The following CDKL2 variants were observed in gnomAD, a reference collection of about 807,000 sequenced individuals.
CDKL2 encodes cyclin dependent kinase like 2, also known as cyclin-dependent kinase-like 2.
CDKL2 carries 64 observed loss-of-function variants against 63.9 expected under a neutral mutation model. The ratio of observed to expected loss-of-function variants is 1.00; its 90% CI spans 0.82 to 1.23. The LOEUF (loss-of-function observed/expected upper bound fraction) is 1.23, where lower values mean the gene tolerates loss of function less well. Among genes scored for constraint, CDKL2 ranks in the 50% most tolerant of loss-of-function variants. The pLI, the probability that CDKL2 is intolerant of heterozygous loss-of-function variation, is 0.00. For missense variants in CDKL2, 656 were observed against 668.0 expected (o/e 0.98, Z 0.20); for synonymous variants, 211 against 229.2 (o/e 0.92, Z 0.72).
chr4:75,588,987 A>C (rs1354851188), intron 12 of CDKL2, among the ~76,000 whole-genome samples: 1 of 152,252 alleles, frequency 6.6e-6, no homozygotes, highest in Non-Finnish European at 1.5e-5. Flanking sequence ...GAACATCAAA[A>C]TAAATAATGA....
chr4:75,588,254 AT>A (rs962521274), intron 12 of CDKL2, among the ~76,000 whole-genome samples: 9 of 152,194 alleles, frequency 5.9e-5, no homozygotes, highest in African/African-American at 1.9e-4. Context: ...TTTCCCCAGA[AT>A]AAAGCTCTTG....
Position 75,597,117 on chromosome 4 carries a change from G to A in CDKL2, c.1140C>T (p.Asp380=). The change falls in exon 9 of 14, where the codon GAC becomes GAT. Residue 380 remains aspartate (D), a synonymous_variant. Transcript: ENST00000307465. The stretch of plus-strand genomic sequence containing the variant: ...CTATTTTGTTGTGGCTTGTCCTACT[G>A]TCATGGAGACAGCTGGCATTTGAAG... ...NRASNASCLH[D]SRTSHNKIVP... 2 of 1,614,108 alleles carry A rather than the reference G, an allele frequency of 1.2e-6. No individual in the cohort carries two copies. Among genetic ancestry groups the A allele is most frequent in the Middle Eastern group, 1.6e-4 (1 of 6,062 alleles).
chr4:75,582,259 ACT>A (rs988562073), intron 12 of CDKL2, among the ~76,000 whole-genome samples: 1 of 152,168 alleles, frequency 6.6e-6, no homozygotes, highest in African/African-American at 2.4e-5. Flanking sequence ...AGCCCTTATA[ACT>A]CTGCTACATG....
chr4:75,624,824 C>T (rs1276506585), intron 2 of CDKL2, among the ~76,000 whole-genome samples: 1 of 152,142 alleles, frequency 6.6e-6, no homozygotes, highest in African/African-American at 2.4e-5. Context: ...CACCATTGCA[C>T]TCCAGCCTGG....
intron 11 of CDKL2, 92 bp from the exon 12 acceptor site, chr4:75,592,017 C>G: frequency 7.8e-7 from 1 of 1,279,190 alleles, no homozygotes; most frequent in Non-Finnish European, 1.1e-6. Context: ...TCAGTATGTA[C>G]TTATTATAAC....
rs1285270774 is a variant in CDKL2 at position 75,578,835 on chromosome 4, G to A, written c.*367C>T. ...ATGGCCTTTTATAGTATTTCTCTCT[G>A]TCCCCCTTTTTTACACACTTTTAAT... On this transcript the variant is annotated 3_prime_UTR_variant, in exon 14 of 14. Coordinates refer to ENST00000307465, the MANE Select transcript of CDKL2 (RefSeq NM_001330724.2). The A allele has an allele frequency of 6.6e-6, 1 of 152,436 alleles. No individual in the cohort carries two copies. Among genetic ancestry groups the A allele is most frequent in the Non-Finnish European group, 1.5e-5 (1 of 67,994 alleles). The allele number at this position is 152,436 out of a possible 1,614,324, so 9.4% of individuals were successfully genotyped here. A position where few individuals can be genotyped will look rare whatever the true frequency, so the allele number is the denominator to read the frequency against.
chr4:75,618,912 C>T (rs927089528), intron 2 of CDKL2, among the ~76,000 whole-genome samples: 1 of 152,198 alleles, frequency 6.6e-6, no homozygotes, highest in African/African-American at 2.4e-5. Flanking sequence ...GTTCAAGGAA[C>T]TAAAAGCCTT....
rs989088178 is a variant in CDKL2, at chr4:75,605,096, G to A, written c.655+426C>T. Among the ~76,000 whole-genome samples, 22 of 152,376 alleles carry A rather than the reference G, an allele frequency of 1.4e-4. 1 individual carries two copies. Among genetic ancestry groups the A allele is most frequent in the Admixed American group, 1.4e-3 (22 of 15,302 alleles). On this transcript the variant is annotated intron_variant, in intron 5 of 13. Coordinates refer to ENST00000307465, the MANE Select transcript of CDKL2 (RefSeq NM_001330724.2). ...TGGCTGGGCGCGGTGGCTCACGCCT[G>A]TAATCCTAGCACTTTGGGAGGCCAA...
intron 2 of CDKL2, among the ~76,000 whole-genome samples, chr4:75,619,494 G>A (rs1187196987): frequency 2.0e-5 from 3 of 148,244 alleles, no homozygotes; most frequent in Non-Finnish European, 4.4e-5. Context: ...TCACCAGAAT[G>A]TGCAGGTAGG....
chr4:75,587,805 G>C (rs530632739), intron 12 of CDKL2, among the ~76,000 whole-genome samples: 106 of 151,676 alleles, frequency 7.0e-4, no homozygotes, highest in Admixed American at 2.6e-3. Flanking sequence ...TTGGGAGGCT[G>C]AGGCAGGAGG....
At chr4:75,591,680 C>A in intron 12 of CDKL2, 139 bp downstream of exon 12, 1 of 572,820 alleles carries the variant, frequency 1.7e-6, no homozygotes, top group Non-Finnish European at 3.1e-6. Flanking sequence ...ATGAATCAAA[C>A]AACATTTGCA....
At chr4:75,593,190 A>G (rs1728783143) in intron 10 of CDKL2, among the ~76,000 whole-genome samples, 1 of 152,128 alleles carries the variant, frequency 6.6e-6, no homozygotes, top group African/African-American at 2.4e-5. Context: ...AACAAGCGCT[A>G]AGGCTATTGG....
chr4:75,614,204 G>T, intron 3 of CDKL2, 51 bp downstream of exon 3: 2 of 1,172,748 alleles, frequency 1.7e-6, no homozygotes, highest in Non-Finnish European at 2.5e-6. Flanking sequence ...CAGATTAAAG[G>T]ATTAATGAAT....
intron 2 of CDKL2, among the ~76,000 whole-genome samples, chr4:75,614,653 C>G (rs916501280): frequency 6.6e-6 from 1 of 151,972 alleles, no homozygotes; most frequent in Middle Eastern, 3.4e-3. Flanking sequence ...CTCCTTTCTC[C>G]TCTCAGAGAA....
chr4:75,596,224 A>C, intron 10 of CDKL2, 23 bp downstream of exon 10: 1 of 1,338,026 alleles, frequency 7.5e-7, no homozygotes, highest in Non-Finnish European at 1.1e-6. Flanking sequence ...TTGCTCTTCT[A>C]CTACTGAGAA....
chr4:75,616,964 G>A (rs535158905), intron 2 of CDKL2, among the ~76,000 whole-genome samples: 2 of 152,108 alleles, frequency 1.3e-5, no homozygotes, highest in Admixed American at 6.6e-5. Context: ...GAGGGCAAAG[G>A]GTGGGAGAAG....
At position 75,596,354 on chromosome 4, in the gene CDKL2, A is replaced by G. The variant is rs757613346; in HGVS notation, c.1323-14T>C. 1.3e-6 allele frequency: 2 copies of G among 1,552,962 alleles called. No individual in the cohort carries two copies. Among genetic ancestry groups the G allele is most frequent in the Non-Finnish European group, 1.8e-6 (2 of 1,125,996 alleles). Reference sequence around the variant, plus strand: ...TTCTCATCCACTCTGTAACGACAAAAAAAAATGTTTTTAAGTTAGAACCAG... The same window carrying G: ...TTCTCATCCACTCTGTAACGACAAAGAAAAATGTTTTTAAGTTAGAACCAG... On this transcript the variant is annotated splice_polypyrimidine_tract_variant and intron_variant, in intron 9 of 13. Coordinates refer to ENST00000307465, the MANE Select transcript of CDKL2 (RefSeq NM_001330724.2).
chr4:75,595,669 C>A (rs1238966423), intron 10 of CDKL2, among the ~76,000 whole-genome samples: 2 of 152,126 alleles, frequency 1.3e-5, no homozygotes, highest in Non-Finnish European at 2.9e-5. Context: ...AGATGGCTCA[C>A]ACCTGTAATC....
At position 75,607,309 on chromosome 4, in the gene CDKL2, A is replaced by G. The variant is rs146247136; in HGVS notation, c.416T>C (p.Val139Ala). 498 of 1,614,016 alleles carry G rather than the reference A, an allele frequency of 3.1e-4. No individual in the cohort carries two copies. Among genetic ancestry groups the G allele is most frequent in the Non-Finnish European group, 6.1e-5 (72 of 1,179,986 alleles). The change falls in exon 4 of 14, where the codon GTT becomes GCT. Residue 139 changes from valine to alanine, a missense_variant. Val to Ala is a moderately conservative substitution (Grantham distance 64, BLOSUM62 0). Transcript: ENST00000307465. Reference protein sequence around the residue: ...PENILVSQSGVVKLCDFGFAR... With the variant: ...PENILVSQSGAVKLCDFGFAR... Reference sequence around the variant, plus strand: ...AAATCCAAAATCGCATAGCTTGACAACGCCAGACTGGGAGACTAATATATT... The same window carrying G: ...AAATCCAAAATCGCATAGCTTGACAGCGCCAGACTGGGAGACTAATATATT...
Sources: gnomAD v4.1 joint callset for allele counts (sites outside exome capture counted in the v4.1 genomes callset) on GRCh38, gnomAD v4.1.1 for gene constraint, MANE v1.5 for transcripts, NCBI Gene and HGNC (gene_info 2026-07-23, HGNC 2026-07-21) for gene names.